The following NAV3 variants were observed in gnomAD, a reference collection of about 807,000 sequenced individuals.
The protein encoded by NAV3 is pore membrane and/or filament interacting like protein 1.
NAV3 carries 87 observed loss-of-function variants against 244.7 expected under a neutral mutation model. The ratio of observed to expected loss-of-function variants is 0.36; its 90% CI spans 0.30 to 0.42. The LOEUF (loss-of-function observed/expected upper bound fraction) is 0.42, where lower values mean the gene tolerates loss of function less well. NAV3 is among the 20% of genes least tolerant of loss of function. The pLI is 1.00. For synonymous variants in NAV3, 1,126 were observed against 1,042.2 expected (o/e 1.08, Z -1.55); for missense variants, 2,663 against 2,893.3 (o/e 0.92, Z 1.83).
chr12:77,732,562 T>A (rs711147), intron 2 of NAV3, among the ~76,000 whole-genome samples: 2 of 151,270 alleles, frequency 1.3e-5, no homozygotes, highest in Non-Finnish European at 3.0e-5. Context: ...TAACATTTAC[T>A]GAGAGGTTAT....
At chr12:78,059,668 C>A (rs181057850) in intron 12 of NAV3, among the ~76,000 whole-genome samples, 4 of 152,066 alleles carry the variant, frequency 2.6e-5, no homozygotes, top group Admixed American at 2.6e-4. Context: ...AAATGTATGG[C>A]TGGGGAGATT....
chr12:77,807,537 A>G (rs950095790), intron 2 of NAV3, among the ~76,000 whole-genome samples: 2 of 152,248 alleles, frequency 1.3e-5, no homozygotes, highest in African/African-American at 4.8e-5. Context: ...GTTTCTGCCG[A>G]GAGATCAGCT....
chr12:78,100,264 A>T (rs579521), intron 12 of NAV3, among the ~76,000 whole-genome samples: 32,088 of 151,818 alleles, frequency 0.21, 3,386 homozygotes, highest in Non-Finnish European at 0.23. Context: ...TAGTAACCTA[A>T]TGTAGACTTC....
At chr12:77,660,457 A>G (rs1213585958) in intron 2 of NAV3, among the ~76,000 whole-genome samples, 3 of 152,196 alleles carry the variant, frequency 2.0e-5, no homozygotes, top group Non-Finnish European at 4.4e-5. Flanking sequence ...TGGATTAGAC[A>G]TACTTCTTCA....
At chr12:77,997,871 T>C (rs2136437877) in intron 6 of NAV3, among the ~76,000 whole-genome samples, 1 of 152,322 alleles carries the variant, frequency 6.6e-6, no homozygotes, top group South Asian at 2.1e-4. Context: ...GTAACTTTCT[T>C]GTGATTAATA....
intron 5 of NAV3, among the ~76,000 whole-genome samples, chr12:77,972,342 A>G (rs1893067870): frequency 6.6e-6 from 1 of 152,192 alleles, no homozygotes; most frequent in Non-Finnish European, 1.5e-5. Context: ...TAAATTCATT[A>G]CAGGGTATTA....
chr12:77,637,816 A>G (rs546597590), intron 2 of NAV3, among the ~76,000 whole-genome samples: 4 of 152,356 alleles, frequency 2.6e-5, no homozygotes, highest in Admixed American at 2.6e-4. Flanking sequence ...TCTATTAAGA[A>G]ACTGATGTAT....
chr12:77,957,296 CATAAT>C (rs1891455162), intron 3 of NAV3, among the ~76,000 whole-genome samples: 1 of 152,148 alleles, frequency 6.6e-6, no homozygotes, highest in Admixed American at 6.5e-5. Context: ...GCTCTTTGAC[CATAAT>C]AAACAGTCTA....
At chr12:78,135,896 T>A (rs1309637285) in intron 18 of NAV3, among the ~76,000 whole-genome samples, 1 of 152,288 alleles carries the variant, frequency 6.6e-6, no homozygotes, top group East Asian at 1.9e-4. Context: ...TTCTTCCTTT[T>A]CCATTACATT....
intron 9 of NAV3, among the ~76,000 whole-genome samples, chr12:78,035,610 T>C (rs1293327833): frequency 6.6e-6 from 1 of 152,192 alleles, no homozygotes; most frequent in African/African-American, 2.4e-5. Context: ...ACAATGTGCA[T>C]TTTGTGTTAT....
intron 2 of NAV3, among the ~76,000 whole-genome samples, chr12:77,820,025 A>T (rs1031915332): frequency 6.6e-6 from 1 of 152,166 alleles, no homozygotes; most frequent in African/African-American, 2.4e-5. Context: ...TTCTTCTAAG[A>T]AAAATGATTG....
intron 9 of NAV3, among the ~76,000 whole-genome samples, chr12:78,040,281 C>G (rs978309345): frequency 6.6e-6 from 1 of 151,680 alleles, no homozygotes; most frequent in Non-Finnish European, 1.5e-5. Context: ...GCTCAATAAG[C>G]GTTGGAAAGA....
At chr12:78,146,479 T>G in intron 21 of NAV3, 87 bp downstream of exon 21, 2 of 465,542 alleles carry the variant, frequency 4.3e-6, no homozygotes, top group Admixed American at 8.3e-5. Flanking sequence ...TAGAGGGCTC[T>G]GTGATACAAT....
chr12:78,083,239 C>T (rs1343875424), intron 12 of NAV3, among the ~76,000 whole-genome samples: 1 of 152,158 alleles, frequency 6.6e-6, no homozygotes, highest in Non-Finnish European at 1.5e-5. Flanking sequence ...CACTAACCCA[C>T]TAGTCCATTA....
intron 2 of NAV3, among the ~76,000 whole-genome samples, chr12:77,668,602 G>A (rs1873825953): frequency 6.6e-6 from 1 of 151,850 alleles, no homozygotes; most frequent in Non-Finnish European, 1.5e-5. Context: ...AAAGAATAAA[G>A]AATAATAATA....
At chr12:78,096,421 C>T (rs1954254470) in intron 12 of NAV3, among the ~76,000 whole-genome samples, 2 of 152,146 alleles carry the variant, frequency 1.3e-5, no homozygotes, top group Non-Finnish European at 2.9e-5. Context: ...CCCAGTTTAT[C>T]AGATCTGTAT....
intron 38 of NAV3, among the ~76,000 whole-genome samples, chr12:78,203,585 C>T (rs942252973): frequency 6.6e-5 from 10 of 152,036 alleles, no homozygotes; most frequent in African/African-American, 2.2e-4. Context: ...CAAGGCAGTC[C>T]ATGAAGTTTT....
chr12:77,968,658 A>G lies in NAV3; in HGVS notation c.627A>G (p.Pro209=), dbSNP rs202202887. ...LQQRVTHASP[P]SEASQAKTQQ... is the part of the protein sequence containing the mutation. ...AGCGAGTTACTCACGCTTCCCCTCC[A>G]TCGGAAGCCAGCCAGGCCAAAACCC... The change falls in exon 5 of 40, where the codon CCA becomes CCG. Residue 209 remains proline, a synonymous_variant. Coordinates refer to ENST00000397909, the MANE Select transcript of NAV3 (RefSeq NM_001024383.2). 65 of 1,614,076 alleles carry G rather than the reference A, an allele frequency of 4.0e-5. No individual in the cohort carries two copies. The East Asian group carries it at 1.4e-3, about 36-fold the overall frequency.
intron 1 of NAV3, among the ~76,000 whole-genome samples, chr12:77,934,615 G>A (rs1242272): frequency 0.84 from 127,949 of 152,052 alleles, 53,939 homozygotes; most frequent in East Asian, 0.98. Context: ...TTTCCCTAAG[G>A]TATGATTTCT....
Sources: gnomAD v4.1 joint callset for allele counts (sites outside exome capture counted in the v4.1 genomes callset) on GRCh38, gnomAD v4.1.1 for gene constraint, MANE v1.5 for transcripts, NCBI Gene and HGNC (gene_info 2026-07-23, HGNC 2026-07-21) for gene names.